The following ELAVL4 variants were observed in gnomAD, a reference collection of about 807,000 sequenced individuals.
The protein encoded by ELAVL4 is ELAV like RNA binding protein 4, also known as ELAV-like protein 4.
A neutral mutation model predicts 35.6 loss-of-function variants in ELAVL4; 1 was observed. The observed-to-expected ratio is 0.03, with a 90% CI of 0.01 to 0.13. ELAVL4 has a LOEUF of 0.13. Ranked by LOEUF, ELAVL4 falls within the 10% of genes least tolerant of loss-of-function variation. The pLI, the probability that ELAVL4 is intolerant of heterozygous loss-of-function variation, is 1.00. For missense variants in ELAVL4, 267 were observed against 464.9 expected (o/e 0.57, Z 3.91); for synonymous variants, 156 against 171.0 (o/e 0.91, Z 0.69).
chr1:50,106,556 T>TA (rs1666330388), upstream of ELAVL4, among the ~76,000 whole-genome samples: 1 of 152,094 alleles, frequency 6.6e-6, no homozygotes, highest in South Asian at 2.1e-4. Flanking sequence ...ATTCTTGAGA[T>TA]AATATATTGA....
In ELAVL4 at chr1:50,195,643, G is replaced by A. The variant is rs1644006775; in HGVS notation, c.591G>A (p.Lys197=). ...CCATCAAAGGGCTGAATGGCCAGAA[G>A]CCCAGCGGTGCTACGGAACCGATTA... ...EEAIKGLNGQ[K]PSGATEPITV... Residue 197 remains lysine, a synonymous_variant, in exon 5 of 7, where the codon AAG becomes AAA. Transcript: ENST00000371824. The A allele has an allele frequency of 6.2e-7, 1 of 1,614,196 alleles. No individual in the cohort carries two copies.
rs1269715532 is a variant in ELAVL4 at position 50,201,197 on chromosome 1, C to A, written c.*19C>A. ...GTCCTGAATTTCCCATTCTTACTTACTAAAATATATATAGAAATATATACG... is the reference window on the plus strand; with the variant it reads ...GTCCTGAATTTCCCATTCTTACTTAATAAAATATATATAGAAATATATACG... On this transcript the variant is annotated 3_prime_UTR_variant, in exon 7 of 7. Coordinates refer to ENST00000371824, the MANE Select transcript of ELAVL4 (RefSeq NM_001144774.3). This position sits in a 1 kb window ranked among gnomAD's most constrained non-coding sequence, Gnocchi z 4.3. The A allele has an allele frequency of 6.5e-7, 1 of 1,538,348 alleles. No individual in the cohort carries two copies. Among genetic ancestry groups the A allele is most frequent in the Admixed American group, 2.0e-5 (1 of 48,964 alleles).
intron 1 of ELAVL4, among the ~76,000 whole-genome samples, chr1:50,079,488 A>G (rs900670691): frequency 6.6e-6 from 1 of 152,204 alleles, no homozygotes; most frequent in Non-Finnish European, 1.5e-5. Context: ...TGAGGGTGTC[A>G]GGTCTTTATA....
intron 1 of ELAVL4, among the ~76,000 whole-genome samples, chr1:50,056,284 C>T (rs1449381264): frequency 1.3e-5 from 2 of 152,158 alleles, no homozygotes; most frequent in South Asian, 4.1e-4. Context: ...GTACTACAAA[C>T]TTTCCCTGTC....
At chr1:50,131,822 A>G (rs1204103824) in intron 1 of ELAVL4, among the ~76,000 whole-genome samples, 1 of 151,836 alleles carries the variant, frequency 6.6e-6, no homozygotes, top group Admixed American at 6.6e-5. Context: ...AACAATGAAG[A>G]AAGTGAAATT....
intron 3 of ELAVL4, among the ~76,000 whole-genome samples, chr1:50,178,709 A>G (rs567987521): frequency 1.3e-5 from 2 of 152,194 alleles, no homozygotes; most frequent in African/African-American, 4.8e-5. Flanking sequence ...AAACATACCT[A>G]TTTTCATGCT....
intron 1 of ELAVL4, among the ~76,000 whole-genome samples, chr1:50,083,816 C>T (rs1205823646): frequency 1.3e-5 from 2 of 152,190 alleles, no homozygotes; most frequent in African/African-American, 2.4e-5. Flanking sequence ...TGGGCAGCCA[C>T]GTATCTTAAT....
intron 2 of ELAVL4, among the ~76,000 whole-genome samples, chr1:50,148,524 T>A (rs1674149738): frequency 6.6e-6 from 1 of 152,224 alleles, no homozygotes; most frequent in South Asian, 2.1e-4. Context: ...CTGTTACTTA[T>A]CTTCTCAGAG....
At chr1:50,140,536 T>C (rs1672649857) in intron 1 of ELAVL4, among the ~76,000 whole-genome samples, 1 of 152,346 alleles carries the variant, frequency 6.6e-6, no homozygotes, top group South Asian at 2.1e-4. Context: ...TTCCAGGTAA[T>C]GTTTTAAAAT....
intron 1 of ELAVL4, among the ~76,000 whole-genome samples, chr1:50,137,367 G>A (rs1672055330): frequency 6.6e-6 from 1 of 152,010 alleles, no homozygotes; most frequent in Non-Finnish European, 1.5e-5. Flanking sequence ...AAAGCTTTGT[G>A]AAGAGTGGAG....
intron 1 of ELAVL4, among the ~76,000 whole-genome samples, chr1:50,134,321 T>C (rs1671536909): frequency 6.6e-6 from 1 of 152,202 alleles, no homozygotes; most frequent in Non-Finnish European, 1.5e-5. Flanking sequence ...GAAAGATAAG[T>C]CTGGCTTAAT....
intron 1 of ELAVL4, among the ~76,000 whole-genome samples, chr1:50,111,170 G>T (rs542391161): frequency 2.0e-5 from 3 of 150,736 alleles, no homozygotes; most frequent in South Asian, 2.1e-4. Context: ...TGTGGTTTTT[G>T]TTGTTGTTGT....
chr1:50,132,060 C>T (rs1021788132), intron 1 of ELAVL4, among the ~76,000 whole-genome samples: 11 of 152,202 alleles, frequency 7.2e-5, no homozygotes, highest in South Asian at 2.1e-4. Context: ...TCAGAGCAGA[C>T]GTAAGTATTC....
At chr1:50,094,599 A>G (rs1210208201) in intron 1 of ELAVL4, among the ~76,000 whole-genome samples, 1 of 152,042 alleles carries the variant, frequency 6.6e-6, no homozygotes, top group Non-Finnish European at 1.5e-5. Context: ...GTTGTACTTC[A>G]TGTTTCTATA....
chr1:50,088,954 A>T (rs1665372196), intron 1 of ELAVL4, among the ~76,000 whole-genome samples: 1 of 152,200 alleles, frequency 6.6e-6, no homozygotes. Flanking sequence ...TGTTCTTTGC[A>T]GAAGGCTGAG....
intron 1 of ELAVL4, among the ~76,000 whole-genome samples, chr1:50,071,529 A>T (rs577181620): frequency 6.6e-6 from 1 of 152,318 alleles, no homozygotes; most frequent in East Asian, 1.9e-4. Context: ...TTCCTACTGG[A>T]CCACATAGCC....
chr1:50,125,892 T>A (rs1669825580), intron 1 of ELAVL4, among the ~76,000 whole-genome samples: 1 of 151,944 alleles, frequency 6.6e-6, no homozygotes, highest in Non-Finnish European at 1.5e-5. Context: ...TTACTTGTAG[T>A]GGGGTCTTGG....
intron 1 of ELAVL4, among the ~76,000 whole-genome samples, chr1:50,114,492 G>A (rs1667615248): frequency 6.6e-6 from 1 of 152,008 alleles, no homozygotes; most frequent in Non-Finnish European, 1.5e-5. Flanking sequence ...GTGGGTGGGT[G>A]GGAGTCACAA....
intron 2 of ELAVL4, among the ~76,000 whole-genome samples, chr1:50,152,228 T>C (rs1268925332): frequency 6.6e-6 from 1 of 152,158 alleles, no homozygotes; most frequent in Non-Finnish European, 1.5e-5. Flanking sequence ...AGTTCTGCCC[T>C]GCTTCCGAAC....
Sources: allele counts gnomAD v4.1 joint callset (sites outside exome capture counted in the v4.1 genomes callset), GRCh38; gene constraint gnomAD v4.1.1; non-coding constraint Gnocchi (gnomAD v3.1); transcripts MANE v1.5; gene names NCBI Gene and HGNC (gene_info 2026-07-23, HGNC 2026-07-21).